AGBL1: variants seen among roughly 807,000 people sequenced by gnomAD.
The protein encoded by AGBL1 is AGBL carboxypeptidase 1.
In AGBL1, 130 loss-of-function variants were observed where a neutral mutation model predicts 118.9. The ratio of observed to expected loss-of-function variants is 1.09; its 90% CI spans 0.95 to 1.26. The LOEUF (loss-of-function observed/expected upper bound fraction) is 1.26. Ranked by LOEUF, AGBL1 falls within the 50% of genes most tolerant of loss-of-function variation. The pLI is 0.00. For synonymous variants in AGBL1, 555 were observed against 478.9 expected, an observed-to-expected ratio of 1.16 and a Z score of -2.08; for missense variants, 1,584 against 1,298.1, an observed-to-expected ratio of 1.22 and a Z score of -3.38.
At chr15:86,498,898 C>G (rs1240350975) in intron 18 of AGBL1, among the ~76,000 whole-genome samples, 1 of 151,882 alleles carries the variant, frequency 6.6e-6, no homozygotes, top group Non-Finnish European at 1.5e-5. Flanking sequence ...CCGTATTACT[C>G]TTCTCCTAAG....
chr15:86,823,489 A>C (rs747636815), intron 22 of AGBL1, among the ~76,000 whole-genome samples: 3 of 152,158 alleles, frequency 2.0e-5, no homozygotes, highest in Admixed American at 1.3e-4. Flanking sequence ...CGTATCCTTC[A>C]TTGCCTCCAG....
rs187242292 is a variant in AGBL1 at position 86,885,891 on chromosome 15, C to A, written c.3159-21196C>A. ...GCAAGCAGATTTGATTTTGCTCTTA[C>A]AACAAAAAGGCCTGTGTAAAGAATT... On this transcript the variant is annotated intron_variant, in intron 22 of 22. Coordinates refer to ENST00000614907, the MANE Select transcript of AGBL1 (RefSeq NM_001386094.1). Among the ~76,000 whole-genome samples the A allele has an allele frequency of 4.1e-4, 63 of 152,224 alleles. 2 individuals are homozygous for A. In the South Asian group the frequency reaches 9.5e-3, roughly 23 times the overall value.
intron 22 of AGBL1, among the ~76,000 whole-genome samples, chr15:86,705,175 T>C (rs1198054954): frequency 6.6e-6 from 1 of 151,970 alleles, no homozygotes; most frequent in African/African-American, 2.4e-5. Context: ...CTAGGACAAA[T>C]ACCTAATGCA....
intron 18 of AGBL1, among the ~76,000 whole-genome samples, chr15:86,475,253 G>C (rs1306462180): frequency 6.6e-6 from 1 of 152,164 alleles, no homozygotes; most frequent in South Asian, 2.1e-4. Flanking sequence ...AGAGAAGAAG[G>C]CTTCAGACGA....
intron 23 of AGBL1, among the ~76,000 whole-genome samples, chr15:86,933,945 A>G (rs769415246): frequency 1.3e-5 from 2 of 152,210 alleles, no homozygotes; most frequent in South Asian, 2.1e-4. Flanking sequence ...AAGTTTCTCC[A>G]TCTTCAATTC....
In AGBL1 at chr15:86,470,209, G is replaced by A. The variant is rs564463160; in HGVS notation, c.2556-52601G>A. ...CTAATAGTTTTACAATTTTGGATCT[G>A]GATTTTAAGTGATTAATTTATTTCG... On this transcript the variant is annotated intron_variant, in intron 18 of 22. Coordinates refer to ENST00000614907, the MANE Select transcript of AGBL1 (RefSeq NM_001386094.1). Among the ~76,000 whole-genome samples, 7 of 152,166 alleles carry A rather than the reference G, an allele frequency of 4.6e-5. No individual in the cohort carries two copies. The East Asian group carries it at 9.6e-4, about 21-fold the overall frequency.
chr15:87,006,812 C>G (rs2081509667), intron 24 of AGBL1, among the ~76,000 whole-genome samples: 1 of 152,146 alleles, frequency 6.6e-6, no homozygotes, highest in Admixed American at 6.5e-5. Flanking sequence ...ATTCAGCCAT[C>G]TTGGAACCCC....
chr15:86,194,624 C>T (rs1393503104), intron 5 of AGBL1, among the ~76,000 whole-genome samples: 1 of 152,168 alleles, frequency 6.6e-6, no homozygotes, highest in Non-Finnish European at 1.5e-5. Flanking sequence ...AACTTATTTT[C>T]CTACGATAAC....
chr15:86,348,326 C>T (rs2080571491), intron 17 of AGBL1, among the ~76,000 whole-genome samples: 1 of 152,252 alleles, frequency 6.6e-6, no homozygotes, highest in Non-Finnish European at 1.5e-5. Context: ...GCCTTGACCC[C>T]TACCTACTGT....
At chr15:86,165,484 C>CT (rs1174800396) in intron 5 of AGBL1, among the ~76,000 whole-genome samples, 19 of 152,172 alleles carry the variant, frequency 1.2e-4, no homozygotes, top group African/African-American at 4.6e-4. Context: ...ATGAGTGAGA[C>CT]TCAGCCAGAG....
chr15:86,620,567 C>G (rs1407828089), intron 21 of AGBL1, among the ~76,000 whole-genome samples: 1 of 152,164 alleles, frequency 6.6e-6, no homozygotes, highest in Admixed American at 6.6e-5. Flanking sequence ...ATCACCTCAT[C>G]AAGAATACAT....
intron 24 of AGBL1, among the ~76,000 whole-genome samples, chr15:87,017,035 GC>G (rs1450693724): frequency 6.6e-6 from 1 of 152,132 alleles, no homozygotes; most frequent in African/African-American, 2.4e-5. Flanking sequence ...GAGCTGAGCA[GC>G]ATCATTCTGC....
At chr15:86,611,723 T>A (rs776480801) in intron 21 of AGBL1, among the ~76,000 whole-genome samples, 3 of 151,942 alleles carry the variant, frequency 2.0e-5, no homozygotes, top group Non-Finnish European at 4.4e-5. Flanking sequence ...TAAAGCATGA[T>A]ACTCACAGGC....
At chr15:86,989,305 T>C (rs1288240353) in intron 24 of AGBL1, among the ~76,000 whole-genome samples, 2 of 152,142 alleles carry the variant, frequency 1.3e-5, no homozygotes, top group Non-Finnish European at 2.9e-5. Flanking sequence ...CCAGCCCTCA[T>C]TTGTGATTTT....
chr15:86,366,481 A>C (rs1261844027), intron 17 of AGBL1, among the ~76,000 whole-genome samples: 1 of 152,202 alleles, frequency 6.6e-6, no homozygotes, highest in Admixed American at 6.5e-5. Flanking sequence ...CAATGACTCA[A>C]GTTACCAGCA....
At chr15:86,368,832 A>G (rs1020588690) in intron 17 of AGBL1, among the ~76,000 whole-genome samples, 3 of 152,220 alleles carry the variant, frequency 2.0e-5, no homozygotes, top group Non-Finnish European at 4.4e-5. Flanking sequence ...TTGTCTTTCA[A>G]AAGTGTATTC....
chr15:86,262,306 T>C (rs1019596136), intron 9 of AGBL1, among the ~76,000 whole-genome samples: 2 of 152,086 alleles, frequency 1.3e-5, no homozygotes, highest in Non-Finnish European at 2.9e-5. Context: ...CATGGAAGCA[T>C]GGATGTTTGT....
intron 24 of AGBL1, among the ~76,000 whole-genome samples, chr15:87,016,225 G>A (rs1315520268): frequency 6.6e-6 from 1 of 150,646 alleles, no homozygotes; most frequent in Non-Finnish European, 1.5e-5. Context: ...ACTGATATAA[G>A]GCCCAGGAAT....
chr15:86,850,631 A>G (rs1327127913), intron 22 of AGBL1, among the ~76,000 whole-genome samples: 1 of 152,190 alleles, frequency 6.6e-6, no homozygotes, highest in African/African-American at 2.4e-5. Flanking sequence ...ACAGAGAATC[A>G]TTATTGATAG....
Sources: allele counts gnomAD v4.1 joint callset (sites outside exome capture counted in the v4.1 genomes callset), GRCh38; gene constraint gnomAD v4.1.1; transcripts MANE v1.5; gene names NCBI Gene and HGNC (gene_info 2026-07-23, HGNC 2026-07-21).